The following CHCHD3 variants were observed in gnomAD, a reference collection of about 807,000 sequenced individuals.
The protein encoded by CHCHD3 is MICOS complex subunit MIC19.
A neutral mutation model predicts 38.2 loss-of-function variants in CHCHD3; 20 were observed. The observed-to-expected ratio is 0.52, with a 90% CI of 0.37 to 0.76. The LOEUF (loss-of-function observed/expected upper bound fraction) is 0.76, where lower values mean the gene tolerates loss of function less well. Among genes scored for constraint, CHCHD3 ranks in the 30% least tolerant of loss-of-function variants. The pLI is 0.00. For missense variants in CHCHD3, 245 were observed against 279.2 expected (o/e 0.88, Z 0.87); for synonymous variants, 82 against 100.0 (o/e 0.82, Z 1.07).
intron 3 of CHCHD3, among the ~76,000 whole-genome samples, chr7:132,997,656 T>C (rs1379554606): frequency 9.5e-6 from 1 of 105,672 alleles, no homozygotes; most frequent in East Asian, 2.4e-4. Flanking sequence ...ACTAACAGGG[T>C]TGTAAAAAAA....
intron 6 of CHCHD3, among the ~76,000 whole-genome samples, chr7:132,817,017 A>G (rs1401637984): frequency 2.0e-5 from 3 of 152,236 alleles, no homozygotes; most frequent in Admixed American, 6.5e-5. Context: ...AAAACAGACA[A>G]GAGACACAAA....
intron 4 of CHCHD3, among the ~76,000 whole-genome samples, chr7:132,902,986 T>C (rs1269448552): frequency 6.6e-6 from 1 of 152,160 alleles, no homozygotes; most frequent in Non-Finnish European, 1.5e-5. Flanking sequence ...GGAATAGACA[T>C]GATCACCATT....
chr7:133,031,381 T>C (rs560489380), intron 2 of CHCHD3, among the ~76,000 whole-genome samples: 5 of 152,220 alleles, frequency 3.3e-5, no homozygotes, highest in Non-Finnish European at 5.9e-5. Flanking sequence ...TCATCAACCA[T>C]GAAAAACAGA....
chr7:132,792,889 G>A (rs1340783336), intron 7 of CHCHD3, among the ~76,000 whole-genome samples: 1 of 152,154 alleles, frequency 6.6e-6, no homozygotes, highest in Non-Finnish European at 1.5e-5. Context: ...ATAGCAGCAG[G>A]GCTGGGAAAA....
intron 2 of CHCHD3, among the ~76,000 whole-genome samples, chr7:133,060,076 C>T (rs1300881623): frequency 6.7e-6 from 1 of 149,112 alleles, no homozygotes; most frequent in Non-Finnish European, 1.5e-5. Flanking sequence ...AAAGGAAACT[C>T]TTCAAAATGG....
Position 132,885,643 on chromosome 7 carries a change from T to C in CHCHD3, c.453+19A>G, listed in dbSNP as rs763603359. 1.2e-5 allele frequency: 18 copies of C among 1,557,072 alleles called. No individual in the cohort carries two copies. The highest frequency in any genetic ancestry group is 1.6e-5 in the Non-Finnish European group (18 of 1,145,090). ...ACAGCAGATGTGGTAATAGAATCAA[T>C]GATAAAAAATAGTCATACCCTCTCC... On this transcript the variant is annotated intron_variant, in intron 5 of 7. Transcript: ENST00000262570.
chr7:132,916,775 C>G (rs900683639), intron 4 of CHCHD3, among the ~76,000 whole-genome samples: 2 of 151,936 alleles, frequency 1.3e-5, no homozygotes. Context: ...GATGGGGTCT[C>G]TCTATATTTG....
Position 133,035,713 on chromosome 7 carries a change from A to G in CHCHD3, c.170-11086T>C. On this transcript the variant is annotated intron_variant, in intron 2 of 7. Coordinates refer to ENST00000262570, the MANE Select transcript of CHCHD3 (RefSeq NM_017812.4). This position sits in a 1 kb window ranked among gnomAD's most constrained non-coding sequence, Gnocchi z 4.7. ...TAGTAGGCAATGGCGTTGCTCTCAA[A>G]CACACAGAATCCATCATCACCCTCA... 1.9e-6 allele frequency: 3 copies of G among 1,613,406 alleles called. No homozygotes were observed. The highest frequency in any genetic ancestry group is 2.5e-6 in the Non-Finnish European group (3 of 1,179,434).
chr7:132,803,517 T>C (rs570990464), intron 6 of CHCHD3, among the ~76,000 whole-genome samples: 317 of 152,280 alleles, frequency 2.1e-3, no homozygotes, highest in Non-Finnish European at 3.2e-3. Flanking sequence ...ATCTATATAA[T>C]GTATTCTACT....
chr7:133,005,020 T>C (rs1812664940), intron 3 of CHCHD3, among the ~76,000 whole-genome samples: 2 of 152,134 alleles, frequency 1.3e-5, no homozygotes, highest in Admixed American at 6.5e-5. Context: ...CAATATATTA[T>C]TTCAATATAT....
chr7:133,067,701 T>C (rs1814711946), intron 2 of CHCHD3, among the ~76,000 whole-genome samples: 1 of 152,276 alleles, frequency 6.6e-6, no homozygotes, highest in South Asian at 2.1e-4. Context: ...AAATATTTGA[T>C]AAACTTATTT....
At chr7:132,964,498 T>C (rs1283839768) in intron 4 of CHCHD3, among the ~76,000 whole-genome samples, 1 of 152,106 alleles carries the variant, frequency 6.6e-6, no homozygotes, top group Non-Finnish European at 1.5e-5. Context: ...GGAGAATCAC[T>C]TGAACCCGGG....
At chr7:133,002,792 A>G (rs1197509818) in intron 3 of CHCHD3, among the ~76,000 whole-genome samples, 3 of 152,234 alleles carry the variant, frequency 2.0e-5, no homozygotes, top group Non-Finnish European at 2.9e-5. Context: ...ATGTCACACA[A>G]TAATGACCAC....
intron 3 of CHCHD3, among the ~76,000 whole-genome samples, chr7:133,009,462 G>A (rs1228971572): frequency 6.6e-6 from 1 of 150,764 alleles, no homozygotes; most frequent in Non-Finnish European, 1.5e-5. Context: ...GGTGCCTGGA[G>A]AGAGCCCTGA....
intron 3 of CHCHD3, among the ~76,000 whole-genome samples, chr7:133,017,173 TA>T (rs1400878234): frequency 6.6e-6 from 1 of 152,148 alleles, no homozygotes; most frequent in Non-Finnish European, 1.5e-5. Flanking sequence ...AGACAGCACT[TA>T]AATCAGCTTT....
At chr7:132,897,176 C>T (rs1484060927) in intron 4 of CHCHD3, among the ~76,000 whole-genome samples, 2 of 152,178 alleles carry the variant, frequency 1.3e-5, no homozygotes, top group East Asian at 1.9e-4. Flanking sequence ...CATTTCCAGG[C>T]ACTTACATAT....
intron 1 of CHCHD3, among the ~76,000 whole-genome samples, chr7:133,076,669 C>T (rs187770944): frequency 5.3e-5 from 8 of 152,260 alleles, no homozygotes; most frequent in Non-Finnish European, 8.8e-5. Flanking sequence ...ATCCAAAATC[C>T]GTGCCAGAAA....
chr7:133,055,258 A>G (rs1370119404), intron 2 of CHCHD3, among the ~76,000 whole-genome samples: 1 of 147,124 alleles, frequency 6.8e-6, no homozygotes, highest in East Asian at 1.9e-4. Context: ...TAATATACTT[A>G]TATATTATAA....
chr7:132,857,044 C>G (rs1808357941), intron 5 of CHCHD3, among the ~76,000 whole-genome samples: 1 of 152,198 alleles, frequency 6.6e-6, no homozygotes, highest in Admixed American at 6.5e-5. Context: ...TTCACCACAC[C>G]ACCACTTCAT....
Sources: allele counts gnomAD v4.1 joint callset (sites outside exome capture counted in the v4.1 genomes callset), GRCh38; gene constraint gnomAD v4.1.1; non-coding constraint Gnocchi (gnomAD v3.1); transcripts MANE v1.5; gene names NCBI Gene and HGNC (gene_info 2026-07-23, HGNC 2026-07-21).